Variants in TTN observed in about 807,000 individuals in gnomAD.
The protein encoded by TTN is connectin.
In TTN, 1,525 loss-of-function variants were observed where a neutral mutation model predicts 3,223.0. The ratio of observed to expected loss-of-function variants is 0.47; its 90% CI spans 0.45 to 0.49. The LOEUF is 0.49. Among genes scored for constraint, TTN ranks in the 20% least tolerant of loss-of-function variants. The probability of loss-of-function intolerance (pLI) is 0.00; values close to 1 mark genes in which losing one functional copy is unlikely to be tolerated. For missense variants in TTN, 40,786 were observed against 43,424.0 expected (o/e 0.94, Z 5.40); for synonymous variants, 14,094 against 15,161.0 (o/e 0.93, Z 5.17).
At chr2:178,778,404 T>C (rs1211894824) in intron 24 of TTN, 3 of 265,806 alleles carry the variant, frequency 1.1e-5, no homozygotes, top group East Asian at 2.0e-4. Context: ...AACATAGAAA[T>C]GAATTTGGAA....
rs1032561521 is a variant in TTN, at chr2:178,585,916, C to T, written c.64397-569G>A. ...ACAATAAACATACATGTGCATGTGT[C>T]TTTATAGTAGAATGATTTATAATCC... On this transcript the variant is annotated intron_variant, in intron 308 of 362. Transcript: ENST00000589042. Among the ~76,000 whole-genome samples the T allele has an allele frequency of 3.3e-5, 5 of 151,988 alleles. 1 individual carries two copies. The highest frequency in any genetic ancestry group is 1.2e-4 in the African/African-American group (5 of 41,376).
In TTN at chr2:178,782,194, A is replaced by G. The variant is rs1041764455; in HGVS notation, c.3380+18T>C. 1 of 1,613,782 alleles carries G rather than the reference A, an allele frequency of 6.2e-7. No homozygotes were observed. ...TTATACAAGTCACAGAGAACTCTATATTCAGCCATCAAAATACCTGTATCC... is the reference window on the plus strand; with the variant it reads ...TTATACAAGTCACAGAGAACTCTATGTTCAGCCATCAAAATACCTGTATCC... On this transcript the variant is annotated intron_variant, in intron 20 of 362. Coordinates refer to ENST00000589042, the MANE Select transcript of TTN (RefSeq NM_001267550.2).
At position 178,675,591 on chromosome 2, in the gene TTN, T is replaced by TTATGTTGAGTGC. The variant is rs1401567840; in HGVS notation, c.34537+79_34537+80insGCACTCAACATA. 1.5e-5 allele frequency: 17 copies of TTATGTTGAGTGC among 1,099,260 alleles called. 1 individual carries two copies. In the African/African-American group the frequency reaches 1.8e-4, roughly 11 times the overall value. 68.1% of individuals were successfully genotyped at this position (1,099,260 alleles called of 1,614,324 possible). ...ATGACAGACCATACAATGCACACATTTATGTTGAGTGTCCTGTGTGGATAG... is the reference window on the plus strand; with the variant it reads ...ATGACAGACCATACAATGCACACATTTATGTTGAGTGCTATGTTGAGTGTCCTGTGTGGATAG... On this transcript the variant is annotated intron_variant, in intron 149 of 362. Coordinates refer to ENST00000589042, the MANE Select transcript of TTN (RefSeq NM_001267550.2).
At chr2:178,726,108 T>G in intron 69 of TTN, 62 bp from the exon 70 acceptor site, 3 of 1,481,508 alleles carry the variant, frequency 2.0e-6, no homozygotes, top group South Asian at 3.0e-5. Flanking sequence ...GAAAATTTTT[T>G]ATTTGTCTTT....
chr2:178,796,277 C>T (rs1262502039), intron 6 of TTN, among the ~76,000 whole-genome samples: 1 of 152,048 alleles, frequency 6.6e-6, no homozygotes, highest in East Asian at 1.9e-4. Context: ...CAGTATTGCC[C>T]TATCATTGCA....
rs1368077967 is a variant in TTN, at chr2:178,562,911, T to C, written c.83221A>G (p.Ser27741Gly). ...TCTAATGTCAGATTATACCGACCAC[T>C]GTCAAATCTGGTAACATTATCAATC... ...LVIDNVTRFD[S>G]GRYNLTLENN... The change falls in exon 326 of 363, where the codon AGT (serine) becomes GGT (glycine). Residue 27741 changes from serine (S) to glycine (G), a missense_variant. Transcript: ENST00000589042. 2.5e-6 allele frequency: 4 copies of C among 1,613,444 alleles called. No individual in the cohort carries two copies. The South Asian group carries it at 4.4e-5, about 18-fold the overall frequency.
In TTN at chr2:178,574,221, A is replaced by G. The variant is rs373717147; in HGVS notation, c.71911T>C (p.Trp23971Arg). The change falls in exon 326 of 363, where the codon TGG becomes CGG. Residue 23971 changes from tryptophan to arginine, a missense_variant. Trp to Arg is a moderately radical substitution (Grantham distance 101). Transcript: ENST00000589042. ...VEKRDLPNGR[W>R]LKANFSNILE... ...ATGTTGCTGAAGTTGGCCTTCAGCC[A>G]CCGTCCATTAGGAAGGTCTCTCTTT... 33 of 1,613,270 alleles carry G rather than the reference A, an allele frequency of 2.0e-5. No homozygotes were observed. The African/African-American group carries it at 3.2e-4, about 16-fold the overall frequency.
chr2:178,653,456 G>T lies in TTN; in HGVS notation c.38678C>A (p.Pro12893His), dbSNP rs745611334. 11 of 1,570,978 alleles carry T rather than the reference G, an allele frequency of 7.0e-6. No individual in the cohort carries two copies. The highest frequency in any genetic ancestry group is 9.4e-6 in the Non-Finnish European group (11 of 1,167,962). The change falls in exon 197 of 363, where the codon CCT becomes CAT. Residue 12893 changes from proline to histidine, a missense_variant. By Grantham distance (77) the Pro-to-His change is moderately conservative. Coordinates refer to ENST00000589042, the MANE Select transcript of TTN (RefSeq NM_001267550.2). The stretch of plus-strand genomic sequence containing the variant: ...AACAGGTGGAACTTCTGGCTTTTTA[G>T]GAAGCACCAGTGTTTTCTTTTCTGG... ...IVPEKKTLVL[P>H]KKPEVPPVTV...
chr2:178,579,656 G>A lies in TTN; in HGVS notation c.67541C>T (p.Thr22514Ile), dbSNP rs544847834. The change falls in exon 319 of 363, where the codon ACT becomes ATT. Residue 22514 changes from threonine (T) to isoleucine (I), a missense_variant. Coordinates refer to ENST00000589042, the MANE Select transcript of TTN (RefSeq NM_001267550.2). Reference protein sequence around the residue: ...LSLQYSAKDLTEGKEYTFRVS... With the variant: ...LSLQYSAKDLIEGKEYTFRVS... ...TCTGAAGGTATATTCCTTCCCTTCA[G>A]TCAAATCTTTTGCAGAGTACTGTAG... 4.3e-6 allele frequency: 7 copies of A among 1,613,330 alleles called. No homozygotes were observed. In the East Asian group the frequency reaches 1.1e-4, roughly 26 times the overall value.
Position 178,740,006 on chromosome 2 carries a change from G to T in TTN, c.13227C>A (p.Ser4409Arg), listed in dbSNP as rs571473566. 1.2e-6 allele frequency: 2 copies of T among 1,613,806 alleles called. No individual in the cohort carries two copies. The highest frequency in any genetic ancestry group is 1.7e-6 in the Non-Finnish European group (2 of 1,179,824). Residue 4409 changes from serine to arginine, a missense_variant, in exon 48 of 363, where the codon AGC becomes AGA. Transcript: ENST00000589042. Reference sequence around the variant, plus strand: ...ACTCAGAGAAAAGACCTGGCTGCTCGCTGGCCACGGCTGCTTGCAAAGCCC... The same window carrying T: ...ACTCAGAGAAAAGACCTGGCTGCTCTCTGGCCACGGCTGCTTGCAAAGCCC... ...ICRALQAAVA[S>R]EQPGLFSEWL...
Position 178,722,035 on chromosome 2 carries a change from G to T in TTN, c.22628C>A (p.Pro7543Gln). ...DFECHVTGAQ[P>Q]MRITWSKDNK... Reference sequence around the variant, plus strand: ...ATCTTTTGACCAAGTGATTCGCATCGGTTGAGCACCAGTAACATGACACTC... The same window carrying T: ...ATCTTTTGACCAAGTGATTCGCATCTGTTGAGCACCAGTAACATGACACTC... Residue 7543 changes from proline to glutamine, a missense_variant, in exon 78 of 363, where the codon CCG becomes CAG. Physicochemically the swap from Pro to Gln is moderately conservative, Grantham distance 76. Transcript: ENST00000589042. 1 of 1,613,366 alleles carries T rather than the reference G, an allele frequency of 6.2e-7. No individual in the cohort carries two copies. The highest frequency in any genetic ancestry group is 1.1e-5 in the South Asian group (1 of 91,002).
Position 178,565,015 on chromosome 2 carries a change from T to G in TTN, c.81117A>C (p.Thr27039=). The change falls in exon 326 of 363, where the codon ACA becomes ACC. Residue 27039 remains threonine, a synonymous_variant. Coordinates refer to ENST00000589042, the MANE Select transcript of TTN (RefSeq NM_001267550.2). ...AAATTCTAAACTGGTACTCCGTGCCTGTTTTCAGTTTGGTTATTTTAATTG... is the reference window on the plus strand; with the variant it reads ...AAATTCTAAACTGGTACTCCGTGCCGGTTTTCAGTTTGGTTATTTTAATTG... The part of the protein sequence containing the change: ...RTTIKITKLK[T]GTEYQFRIFA... 4 of 1,613,334 alleles carry G rather than the reference T, an allele frequency of 2.5e-6. No homozygotes were observed. The highest frequency in any genetic ancestry group is 2.5e-6 in the Non-Finnish European group (3 of 1,179,608).
chr2:178,592,586 TAA>T lies in TTN; in HGVS notation c.59417_59418del (p.Leu19806GlnfsTer24), dbSNP rs751961133. On this transcript the variant is annotated frameshift_variant, in exon 301 of 363. Transcript: ENST00000589042. LOFTEE classifies it high-confidence loss of function. Reference sequence around the variant, plus strand: ...AATGGCACTCCTTTGATGATGGCACTAAGTCTTAGAGTATCACCAACTTTAAT... The same window carrying T: ...AATGGCACTCCTTTGATGATGGCACTGTCTTAGAGTATCACCAACTTTAAT... ...QHIKVGDTLR[L>X]SAIIKGVPFP... is the part of the protein sequence containing the mutation. The T allele has an allele frequency of 6.2e-7, 1 of 1,613,514 alleles. No homozygotes were observed. The highest frequency in any genetic ancestry group is 1.1e-5 in the South Asian group (1 of 91,072).
At chr2:178,694,348 A>G (rs1243462569) in intron 117 of TTN, among the ~76,000 whole-genome samples, 1 of 152,174 alleles carries the variant, frequency 6.6e-6, no homozygotes, top group Non-Finnish European at 1.5e-5. Flanking sequence ...TGAAGTTAGC[A>G]AACTACTAAT....
chr2:178,783,834 A>G, intron 16 of TTN, 49 bp from the exon 17 acceptor site: 2 of 1,497,748 alleles, frequency 1.3e-6, no homozygotes, highest in Non-Finnish European at 1.9e-6. Context: ...ATTAAGGGAA[A>G]TCTCATAAAC....
At chr2:178,786,992 G>GC (rs1336809045) in intron 13 of TTN, among the ~76,000 whole-genome samples, 1 of 152,126 alleles carries the variant, frequency 6.6e-6, no homozygotes, top group Non-Finnish European at 1.5e-5. Context: ...AGCTGATGTG[G>GC]CTTAGATATT....
At chr2:178,597,845 G>A (rs1425390259) in intron 293 of TTN, 26 bp from the exon 294 acceptor site, 2 of 1,612,364 alleles carry the variant, frequency 1.2e-6, no homozygotes, top group Non-Finnish European at 1.7e-6. Context: ...AATTACAAAT[G>A]TGATTTTTCC....
rs759443400 is a variant in TTN at position 178,677,187 on chromosome 2, T to G, written c.34378+14A>C. 8.2e-7 allele frequency: 1 copy of G among 1,222,280 alleles called. No homozygotes were observed. The highest frequency in any genetic ancestry group is 1.0e-6 in the Non-Finnish European group (1 of 981,710). 75.7% of individuals were successfully genotyped at this position (1,222,280 alleles called of 1,614,324 possible). A position where few individuals can be genotyped will look rare whatever the true frequency, so the allele number is the denominator to read the frequency against. ...TATGGGTGAACAATGTGTATTCACT[T>G]TGGGGAGGTGTACCTTTGGGTGGTG... On this transcript the variant is annotated intron_variant, in intron 147 of 362. Coordinates refer to ENST00000589042, the MANE Select transcript of TTN (RefSeq NM_001267550.2).
intron 127 of TTN, 29 bp downstream of exon 127, chr2:178,688,082 A>G: frequency 1.3e-6 from 2 of 1,582,502 alleles, no homozygotes; most frequent in Non-Finnish European, 1.7e-6. Context: ...AAAACCCCAG[A>G]TCATCTCTAG....
Sources: gnomAD v4.1 joint callset for allele counts (sites outside exome capture counted in the v4.1 genomes callset) on GRCh38, gnomAD v4.1.1 for gene constraint, MANE v1.5 for transcripts, NCBI Gene and HGNC (gene_info 2026-07-23, HGNC 2026-07-21) for gene names.